Variants in SLC12A6 observed in about 807,000 individuals in gnomAD.
SLC12A6 encodes the protein K-Cl cotransporter 3.
Under a neutral mutation model 135.3 loss-of-function variants are expected in SLC12A6, and 66 were observed. That is an observed-to-expected ratio of 0.49 (90% CI 0.40 to 0.60). SLC12A6 has a LOEUF of 0.60. Ranked by LOEUF, SLC12A6 falls within the 20% of genes least tolerant of loss-of-function variation. The probability of loss-of-function intolerance (pLI) is 0.00; values close to 1 mark genes in which losing one functional copy is unlikely to be tolerated. For missense variants in SLC12A6, 1,058 were observed against 1,452.3 expected, an observed-to-expected ratio of 0.73 and a Z score of 4.41; for synonymous variants, 513 against 508.8, an observed-to-expected ratio of 1.01 and a Z score of -0.11.
At chr15:34,292,365 C>T (rs541307180) in intron 2 of SLC12A6, among the ~76,000 whole-genome samples, 8 of 152,280 alleles carry the variant, frequency 5.3e-5, no homozygotes, top group Admixed American at 4.6e-4. Flanking sequence ...CTGGAAGCTT[C>T]GTCTCAGAGG....
chr15:34,254,944 A>G (rs555340860), intron 8 of SLC12A6, among the ~76,000 whole-genome samples: 1 of 152,354 alleles, frequency 6.6e-6, no homozygotes, highest in South Asian at 2.1e-4. Context: ...GTCTCAGTGA[A>G]GAGAGATATG....
rs932047360 is a variant in SLC12A6, at chr15:34,252,365, G to A, written c.1138C>T (p.Arg380Cys). The A allele has an allele frequency of 7.5e-6, 12 of 1,608,940 alleles. No homozygotes were observed. The highest frequency in any genetic ancestry group is 3.3e-5 in the Admixed American group (2 of 59,924). ...PHFPVCMLGNRTLSSRHIDVC... is the reference protein window; with the variant it reads ...PHFPVCMLGNCTLSSRHIDVC... ...TCAATGTGTCTTGATGAAAGGGTGC[G>A]GTTACCCAGCATGCAGACCCTAAGT... Residue 380 changes from arginine (R) to cysteine (C), a missense_variant, in exon 10 of 26, where the codon CGC becomes TGC. Transcript: ENST00000354181.
chr15:34,312,801 T>G (rs1888353294), intron 2 of SLC12A6, among the ~76,000 whole-genome samples: 2 of 152,262 alleles, frequency 1.3e-5, no homozygotes, highest in Non-Finnish European at 2.9e-5. Flanking sequence ...CAATAGCATG[T>G]GCTCACTTCA....
In SLC12A6 at chr15:34,267,676, T is replaced by C. The variant is rs541295892; in HGVS notation, c.317-6656A>G. Among the ~76,000 whole-genome samples the C allele has an allele frequency of 5.3e-5, 8 of 152,332 alleles. No homozygotes were observed. In the South Asian group the frequency reaches 1.4e-3, roughly 28 times the overall value. ...CTAGCATGAGCAACATTGTGAGACCTTGTCTCTACAAAATTTTTGTGTACA... is the reference window on the plus strand; with the variant it reads ...CTAGCATGAGCAACATTGTGAGACCCTGTCTCTACAAAATTTTTGTGTACA... On this transcript the variant is annotated intron_variant, in intron 3 of 25. Transcript: ENST00000354181.
At chr15:34,238,923 C>A in intron 20 of SLC12A6, 42 bp downstream of exon 20, 1 of 1,521,378 alleles carries the variant, frequency 6.6e-7, no homozygotes, top group Non-Finnish European at 9.1e-7. Context: ...ACTATATACC[C>A]TCGACTTGGG....
intron 2 of SLC12A6, among the ~76,000 whole-genome samples, chr15:34,299,018 CCAAA>C (rs1355559297): frequency 6.6e-6 from 1 of 152,154 alleles, no homozygotes; most frequent in Non-Finnish European, 1.5e-5. Context: ...CCAGGAGACC[CCAAA>C]CATTTTGTGA....
At chr15:34,257,474 C>T in intron 6 of SLC12A6, 168 bp downstream of exon 6, 2 of 646,494 alleles carry the variant, frequency 3.1e-6, no homozygotes, top group Non-Finnish European at 5.6e-6. Flanking sequence ...CTAACAGGCA[C>T]TGAATAACTG....
intron 2 of SLC12A6, among the ~76,000 whole-genome samples, chr15:34,293,391 A>G (rs1428958118): frequency 6.6e-6 from 1 of 151,918 alleles, no homozygotes; most frequent in Non-Finnish European, 1.5e-5. Context: ...TGCAACCTCC[A>G]CCTCCTGGGT....
chr15:34,286,246 T>C (rs970417424), intron 2 of SLC12A6, among the ~76,000 whole-genome samples: 6 of 151,580 alleles, frequency 4.0e-5, no homozygotes, highest in Non-Finnish European at 8.8e-5. Context: ...ACTAATTTTT[T>C]TGTATTTTTA....
In SLC12A6 at chr15:34,333,711, C is replaced by A. The variant is rs191065834; in HGVS notation, c.271+2699G>T. Among the ~76,000 whole-genome samples, 749 of 152,126 alleles carry A rather than the reference C, an allele frequency of 4.9e-3. 3 individuals are homozygous for A. The highest frequency in any genetic ancestry group is 0.017 in the African/African-American group (718 of 41,508). On this transcript the variant is annotated intron_variant, in intron 2 of 25. Coordinates refer to ENST00000354181, the MANE Select transcript of SLC12A6 (RefSeq NM_001365088.1). ...AATGAAAGAAAAATTACTTTGATAG[C>A]AGAAAGAAAACTACTCAGAAAGCCA...
At position 34,255,158 on chromosome 15, in the gene SLC12A6, C is replaced by A. The variant is rs937783098; in HGVS notation, c.876+104G>T. ...CCAACTGACGTTGGCAGTCAATCACCTGATTTATTCCCACAGCTGATCTCT... is the reference window on the plus strand; with the variant it reads ...CCAACTGACGTTGGCAGTCAATCACATGATTTATTCCCACAGCTGATCTCT... On this transcript the variant is annotated intron_variant, in intron 8 of 25. Coordinates refer to ENST00000354181, the MANE Select transcript of SLC12A6 (RefSeq NM_001365088.1). 10 of 972,914 alleles carry A rather than the reference C, an allele frequency of 1.0e-5. No individual in the cohort carries two copies. The African/African-American group carries it at 1.6e-4, about 16-fold the overall frequency. 60.3% of individuals were successfully genotyped at this position (972,914 alleles called of 1,614,324 possible).
chr15:34,280,357 G>T (rs545993988), intron 2 of SLC12A6, among the ~76,000 whole-genome samples: 35 of 152,174 alleles, frequency 2.3e-4, no homozygotes, highest in African/African-American at 7.9e-4. Context: ...ATATACATCA[G>T]AATTAAGACT....
intron 15 of SLC12A6, among the ~76,000 whole-genome samples, chr15:34,244,483 T>C (rs1891853913): frequency 6.6e-6 from 1 of 152,212 alleles, no homozygotes; most frequent in Non-Finnish European, 1.5e-5. Flanking sequence ...ATCCATCTTT[T>C]ATACAAGATT....
At chr15:34,295,061 C>T (rs1250289229) in intron 2 of SLC12A6, among the ~76,000 whole-genome samples, 1 of 152,170 alleles carries the variant, frequency 6.6e-6, no homozygotes, top group African/African-American at 2.4e-5. Context: ...CAACAGTTAG[C>T]ACTTATTAGG....
At position 34,320,672 on chromosome 15, in the gene SLC12A6, T is replaced by C. The variant is rs528450249; in HGVS notation, c.271+15738A>G. Among the ~76,000 whole-genome samples the C allele has an allele frequency of 4.6e-5, 7 of 151,774 alleles. No homozygotes were observed. In the South Asian group the frequency reaches 1.2e-3, roughly 27 times the overall value. On this transcript the variant is annotated intron_variant, in intron 2 of 25. Transcript: ENST00000354181. The stretch of plus-strand genomic sequence containing the variant: ...TGGCTCATGCCTGTAATCCCAGCAC[T>C]TTGGGAGGCCGAGGCGGGTGGATCA...
chr15:34,233,975 T>C lies in SLC12A6; in HGVS notation c.3362-3A>G. ...AAGCACCTCTAGGAACTCCATGTCT[T>C]CAAAACTTGTCAAGGAGACAGGCAA... On this transcript the variant is annotated splice_polypyrimidine_tract_variant and splice_region_variant and intron_variant, in intron 25 of 25. Coordinates refer to ENST00000354181, the MANE Select transcript of SLC12A6 (RefSeq NM_001365088.1). The C allele has an allele frequency of 1.3e-6, 2 of 1,503,916 alleles. No individual in the cohort carries two copies. The highest frequency in any genetic ancestry group is 1.9e-6 in the Non-Finnish European group (2 of 1,079,312). 93.2% of individuals were successfully genotyped at this position (1,503,916 alleles called of 1,614,324 possible).
At chr15:34,285,233 G>A (rs1299657139) in intron 2 of SLC12A6, among the ~76,000 whole-genome samples, 1 of 152,180 alleles carries the variant, frequency 6.6e-6, no homozygotes, top group East Asian at 1.9e-4. Context: ...TTTTACAGTG[G>A]TCCAAGAAAA....
chr15:34,241,178 A>T (rs998181226), intron 18 of SLC12A6, 55 bp downstream of exon 18: 1 of 928,382 alleles, frequency 1.1e-6, no homozygotes, highest in African/African-American at 1.6e-5. Context: ...TCAACAAAAC[A>T]CATATTTTTG....
At chr15:34,261,655 T>C (rs1893141633) in intron 3 of SLC12A6, among the ~76,000 whole-genome samples, 1 of 152,210 alleles carries the variant, frequency 6.6e-6, no homozygotes. Flanking sequence ...ATTGAGTATA[T>C]ACTCAGGGTA....
Sources: gnomAD v4.1 joint callset for allele counts (sites outside exome capture counted in the v4.1 genomes callset) on GRCh38, gnomAD v4.1.1 for gene constraint, MANE v1.5 for transcripts, NCBI Gene and HGNC (gene_info 2026-07-23, HGNC 2026-07-21) for gene names.